Variants in LDLRAP1 observed in about 807,000 individuals in gnomAD.
The protein encoded by LDLRAP1 is low density lipoprotein receptor adaptor protein 1, also known as low density lipoprotein receptor adapter protein 1.
LDLRAP1 carries 30 observed loss-of-function variants against 37.8 expected under a neutral mutation model. The ratio of observed to expected loss-of-function variants is 0.79; its 90% CI spans 0.59 to 1.08. LDLRAP1 has a LOEUF of 1.08. LDLRAP1 is among the 50% of genes least tolerant of loss of function. The probability of loss-of-function intolerance (pLI) is 0.00; values close to 1 mark genes in which losing one functional copy is unlikely to be tolerated. For missense variants in LDLRAP1, 375 were observed against 401.6 expected (o/e 0.93, Z 0.57); for synonymous variants, 156 against 169.8 (o/e 0.92, Z 0.63).
the LDLRAP1 span, among the ~76,000 whole-genome samples, chr1:25,590,012 C>T: frequency 7.2e-5 from 11 of 152,172 alleles, no homozygotes; most frequent in Non-Finnish European, 1.0e-4. Flanking sequence ...CTGAGGCAGG[C>T]GAATCACTTG....
At position 25,567,151 on chromosome 1, in the gene LDLRAP1, T is replaced by C. The variant is rs1177266160; in HGVS notation, c.*159T>C. The C allele has an allele frequency of 3.4e-6, 3 of 882,650 alleles. No individual in the cohort carries two copies. The East Asian group carries it at 7.9e-5, about 23-fold the overall frequency. The allele number at this position is 882,650 out of a possible 1,614,324, so 54.7% of individuals were successfully genotyped here. A position where few individuals can be genotyped will look rare whatever the true frequency, so the allele number is the denominator to read the frequency against. ...TGCAGCCAGTCAGGCAGGGGAGAGA[T>C]TTTTCTTTTAAGCCCTGCTCTTTCT... On this transcript the variant is annotated 3_prime_UTR_variant, in exon 9 of 9. Transcript: ENST00000374338.
chr1:25,588,365 C>CA, the LDLRAP1 span, among the ~76,000 whole-genome samples: 1 of 152,204 alleles, frequency 6.6e-6, no homozygotes, highest in African/African-American at 2.4e-5. Context: ...CGTCCCTGGG[C>CA]AATGGAATGT....
chr1:25,579,380 A>G, the LDLRAP1 span, among the ~76,000 whole-genome samples: 3 of 152,166 alleles, frequency 2.0e-5, no homozygotes, highest in Non-Finnish European at 4.4e-5. Flanking sequence ...AAGAGAAGAA[A>G]ACCCAGGAGC....
chr1:25,543,840 G>T (rs1030117426), intron 1 of LDLRAP1, 54 bp downstream of exon 1: 1 of 1,116,260 alleles, frequency 9.0e-7, no homozygotes, highest in Admixed American at 4.5e-5. Flanking sequence ...AGGCGCGCGG[G>T]GCCTCCGCGG....
chr1:25,588,248 G>A, the LDLRAP1 span, among the ~76,000 whole-genome samples: 20 of 152,142 alleles, frequency 1.3e-4, no homozygotes, highest in African/African-American at 4.1e-4. Flanking sequence ...AGACCTGACC[G>A]TCCCCCGGCC....
At chr1:25,563,605 G>C in intron 6 of LDLRAP1, 56 bp from the exon 7 acceptor site, 1 of 1,607,266 alleles carries the variant, frequency 6.2e-7, no homozygotes. Flanking sequence ...CCCAGGGAGG[G>C]GGCCAGGAAG....
chr1:25,554,137 C>A lies in LDLRAP1; in HGVS notation c.231+73C>A. ...AGCTTCTTCCCAGGGTGCCCTCGTC[C>A]CAGCTTGTTACTCCAGTTGGGTGTG... On this transcript the variant is annotated intron_variant, in intron 2 of 8. Transcript: ENST00000374338. This position sits in a 1 kb window ranked among gnomAD's most constrained non-coding sequence, Gnocchi z 5.4. 6.3e-7 allele frequency: 1 copy of A among 1,579,062 alleles called. No individual in the cohort carries two copies.
chr1:25,548,525 T>G (rs2043993900), intron 1 of LDLRAP1, among the ~76,000 whole-genome samples: 2 of 151,882 alleles, frequency 1.3e-5, no homozygotes, highest in African/African-American at 4.8e-5. Context: ...TTTTTTTGTA[T>G]TTTTAGTAGA....
intron 4 of LDLRAP1, among the ~76,000 whole-genome samples, chr1:25,559,605 T>C (rs534627120): frequency 6.6e-6 from 1 of 152,356 alleles, no homozygotes; most frequent in African/African-American, 2.4e-5. Context: ...TACCCTTTGC[T>C]ACCTGGCCTC....
intron 1 of LDLRAP1, among the ~76,000 whole-genome samples, chr1:25,549,561 A>C (rs2044020724): frequency 6.6e-6 from 1 of 152,250 alleles, no homozygotes; most frequent in Non-Finnish European, 1.5e-5. Context: ...TAACTCCAGC[A>C]GCAGGTCATC....
At chr1:25,563,007 G>C (rs2044380778) in intron 5 of LDLRAP1, 63 bp from the exon 6 acceptor site, 1 of 1,503,056 alleles carries the variant, frequency 6.7e-7, no homozygotes, top group East Asian at 2.3e-5. Flanking sequence ...CCCCTGCCCG[G>C]TGATTGCTGG....
intron 1 of LDLRAP1, chr1:25,553,685 C>T (rs370053048): frequency 3.9e-6 from 2 of 517,226 alleles, no homozygotes; most frequent in Non-Finnish European, 7.0e-6. Flanking sequence ...GCAGGAGAAT[C>T]GCTTGAACCT....
At chr1:25,560,912 C>G (rs1478779329) in intron 4 of LDLRAP1, among the ~76,000 whole-genome samples, 1 of 152,290 alleles carries the variant, frequency 6.6e-6, no homozygotes, top group East Asian at 1.9e-4. Context: ...GCAGGGCCCA[C>G]CCCACTCCCA....
At chr1:25,579,916 CG>C in the LDLRAP1 span, among the ~76,000 whole-genome samples, 2 of 152,286 alleles carry the variant, frequency 1.3e-5, no homozygotes, top group Non-Finnish European at 2.9e-5. Flanking sequence ...GTATGGAGCT[CG>C]AAACCCACCC....
At chr1:25,549,290 C>T (rs1439169204) in intron 1 of LDLRAP1, among the ~76,000 whole-genome samples, 1 of 152,210 alleles carries the variant, frequency 6.6e-6, no homozygotes, top group Non-Finnish European at 1.5e-5. Flanking sequence ...TCACTCTGGC[C>T]TCTGAGGCCA....
chr1:25,570,731 C>A (rs993519241), downstream of LDLRAP1, among the ~76,000 whole-genome samples: 1 of 152,000 alleles, frequency 6.6e-6, no homozygotes, highest in South Asian at 2.1e-4. Flanking sequence ...TGGTGGCGGG[C>A]GCCTGTAGTC....
At chr1:25,553,847 G>A (rs2044134485) in intron 1 of LDLRAP1, 75 bp from the exon 2 acceptor site, 1 of 1,572,910 alleles carries the variant, frequency 6.4e-7, no homozygotes, top group Non-Finnish European at 8.6e-7. Context: ...TCCTAGGAAA[G>A]AAGGCTGGTG....
chr1:25,569,282 CTT>C (rs1309325062), downstream of LDLRAP1, among the ~76,000 whole-genome samples: 5 of 152,046 alleles, frequency 3.3e-5, no homozygotes, highest in East Asian at 3.9e-4. Context: ...ATCCGCAACA[CTT>C]TATCATTCCA....
Position 25,554,002 on chromosome 1 carries a change from C to A in LDLRAP1, c.169C>A (p.Leu57Ile). The A allele has an allele frequency of 1.9e-6, 3 of 1,614,104 alleles. No individual in the cohort carries two copies. Among genetic ancestry groups the A allele is most frequent in the Non-Finnish European group, 1.7e-6 (2 of 1,180,030 alleles). Reference protein sequence around the residue: ...LFSLKYLGMTLVEQPKGEELS... With the variant: ...LFSLKYLGMTIVEQPKGEELS... ...CAGCCTCAAGTACCTGGGCATGACG[C>A]TAGTGGAGCAGCCCAAGGGTGAGGA... The change falls in exon 2 of 9, where the codon CTA becomes ATA. Residue 57 changes from leucine (L) to isoleucine (I), a missense_variant. By Grantham distance (5) the Leu-to-Ile change is conservative. Transcript: ENST00000374338. This position sits in a 1 kb window ranked among gnomAD's most constrained non-coding sequence, Gnocchi z 5.4.
Sources: allele counts gnomAD v4.1 joint callset (sites outside exome capture counted in the v4.1 genomes callset), GRCh38; gene constraint gnomAD v4.1.1; non-coding constraint Gnocchi (gnomAD v3.1); transcripts MANE v1.5; gene names NCBI Gene and HGNC (gene_info 2026-07-23, HGNC 2026-07-21).